Variants in TBK1 observed in about 807,000 individuals in gnomAD.
TBK1 encodes serine/threonine-protein kinase TBK1.
A neutral mutation model predicts 99.9 loss-of-function variants in TBK1; 37 were observed. The ratio of observed to expected loss-of-function variants is 0.37; its 90% CI spans 0.28 to 0.49. TBK1 has a LOEUF of 0.49. Ranked by LOEUF, TBK1 falls within the 20% of genes least tolerant of loss-of-function variation. The pLI is 0.98. For missense variants in TBK1, 644 were observed against 872.5 expected (o/e 0.74, Z 3.30); for synonymous variants, 258 against 279.8 (o/e 0.92, Z 0.78).
At chr12:64,499,064 G>A (rs536508616) in intron 20 of TBK1, among the ~76,000 whole-genome samples, 1 of 41,016 alleles carries the variant, frequency 2.4e-5, no homozygotes, top group Non-Finnish European at 4.6e-5. Flanking sequence ...TTTTTCCCCC[G>A]AGACGGAGTT....
At chr12:64,469,655 A>G (rs1011869747) in intron 5 of TBK1, among the ~76,000 whole-genome samples, 1 of 152,184 alleles carries the variant, frequency 6.6e-6, no homozygotes, top group African/African-American at 2.4e-5. Context: ...CCTCCAATAA[A>G]TAGCTCAAGG....
intron 13 of TBK1, among the ~76,000 whole-genome samples, chr12:64,492,587 T>C (rs556547346): frequency 7.2e-4 from 110 of 152,362 alleles, no homozygotes; most frequent in Admixed American, 1.6e-3. Flanking sequence ...ATTACAGGCA[T>C]GAGCCACCTT....
At chr12:64,460,375 A>G (rs772283196) in intron 3 of TBK1, 46 bp downstream of exon 3, 2 of 1,407,640 alleles carry the variant, frequency 1.4e-6, no homozygotes, top group Non-Finnish European at 9.5e-7. Flanking sequence ...GTTACGAGTC[A>G]AGAAATAGAA....
intron 4 of TBK1, among the ~76,000 whole-genome samples, chr12:64,464,851 A>G (rs898794776): frequency 3.3e-5 from 5 of 152,204 alleles, no homozygotes; most frequent in Admixed American, 1.3e-4. Context: ...AAAGCTCAAC[A>G]TTAATTAATT....
chr12:64,454,777 C>T lies in TBK1; in HGVS notation c.-31-1063C>T, dbSNP rs538394599. Among the ~76,000 whole-genome samples, 300 of 148,792 alleles carry T rather than the reference C, an allele frequency of 2.0e-3. 2 individuals are homozygous for T. The highest frequency in any genetic ancestry group is 7.5e-4 in the Non-Finnish European group (50 of 67,086). On this transcript the variant is annotated intron_variant, in intron 1 of 20. Transcript: ENST00000331710. Reference sequence around the variant, plus strand: ...CTGCAAGCTCCGCCTCCCGGGTTCCCGCCATTCTCCTGCGTCAGCCTCCCG... The same window carrying T: ...CTGCAAGCTCCGCCTCCCGGGTTCCTGCCATTCTCCTGCGTCAGCCTCCCG...
intron 5 of TBK1, among the ~76,000 whole-genome samples, chr12:64,472,318 A>C (rs1201462957): frequency 2.7e-5 from 4 of 147,618 alleles, no homozygotes; most frequent in East Asian, 4.1e-4. Flanking sequence ...AGAGTCACAG[A>C]TTGCATCATT....
intron 2 of TBK1, among the ~76,000 whole-genome samples, chr12:64,456,250 G>T (rs2040486414): frequency 6.6e-6 from 1 of 152,140 alleles, no homozygotes; most frequent in South Asian, 2.1e-4. Flanking sequence ...CTCCCTAATG[G>T]TAGAGTGATT....
chr12:64,485,571 G>A (rs1044902418), intron 10 of TBK1, 58 bp downstream of exon 10: 10 of 868,626 alleles, frequency 1.2e-5, no homozygotes, highest in Non-Finnish European at 1.8e-5. Context: ...CCTATCAATA[G>A]TGGAAGCAAT....
chr12:64,459,080 T>C (rs2040520438), intron 2 of TBK1, among the ~76,000 whole-genome samples: 1 of 152,104 alleles, frequency 6.6e-6, no homozygotes, highest in South Asian at 2.1e-4. Flanking sequence ...GTGGTGAATC[T>C]GAGGAAAGTA....
chr12:64,481,571 A>G (rs1006882789), intron 7 of TBK1, among the ~76,000 whole-genome samples: 1 of 152,144 alleles, frequency 6.6e-6, no homozygotes, highest in African/African-American at 2.4e-5. Context: ...TGCATAAAGC[A>G]TCTGTGAATA....
chr12:64,497,592 T>C, intron 18 of TBK1, 56 bp from the exon 19 acceptor site: 1 of 1,219,558 alleles, frequency 8.2e-7, no homozygotes, highest in South Asian at 1.4e-5. Flanking sequence ...GTAAGTACTT[T>C]TGTTCTGTGA....
At chr12:64,467,146 T>G (rs1344069429) in intron 5 of TBK1, 64 bp downstream of exon 5, 19 of 1,293,412 alleles carry the variant, frequency 1.5e-5, no homozygotes, top group Non-Finnish European at 2.0e-5. Context: ...TATAATTGGG[T>G]AATTGGTCAG....
chr12:64,471,243 C>T (rs965257709), intron 5 of TBK1, among the ~76,000 whole-genome samples: 3 of 152,042 alleles, frequency 2.0e-5, no homozygotes, highest in African/African-American at 7.2e-5. Context: ...AATCTCAGCT[C>T]ACTCAAGCTC....
intron 8 of TBK1, among the ~76,000 whole-genome samples, chr12:64,482,767 C>G (rs2040780327): frequency 6.6e-6 from 1 of 152,186 alleles, no homozygotes; most frequent in African/African-American, 2.4e-5. Flanking sequence ...GCTAGCTACC[C>G]TATATAGCCT....
chr12:64,484,391 T>G lies in TBK1; in HGVS notation c.1081T>G (p.Leu361Val), dbSNP rs2040798028. Reference sequence around the variant, plus strand: ...TATCTACGAAGGGCGACGCTTAGTCTTAGAACCTGGAAGGCTGGCACAACA... The same window carrying G: ...TATCTACGAAGGGCGACGCTTAGTCGTAGAACCTGGAAGGCTGGCACAACA... ...ELIYEGRRLV[L>V]EPGRLAQHFP... The change falls in exon 9 of 21, where the codon TTA becomes GTA. Residue 361 changes from leucine to valine, a missense_variant. Transcript: ENST00000331710. 1.2e-6 allele frequency: 2 copies of G among 1,614,126 alleles called. No individual in the cohort carries two copies. The highest frequency in any genetic ancestry group is 4.5e-5 in the East Asian group (2 of 44,870).
intron 6 of TBK1, among the ~76,000 whole-genome samples, chr12:64,477,582 A>T (rs996616482): frequency 6.6e-6 from 1 of 152,194 alleles, no homozygotes; most frequent in Non-Finnish European, 1.5e-5. Flanking sequence ...TAGGTTTAGA[A>T]TCATACTGTC....
chr12:64,501,475 T>A lies in TBK1; in HGVS notation c.*94T>A, dbSNP rs1419757129. The A allele has an allele frequency of 5.7e-6, 7 of 1,226,130 alleles. No individual in the cohort carries two copies. Among genetic ancestry groups the A allele is most frequent in the African/African-American group, 1.5e-5 (1 of 65,968 alleles). The allele number at this position is 1,226,130 out of a possible 1,614,324, so 76.0% of individuals were successfully genotyped here. ...GCCTTTATAGATAGTCACTTGTTTC[T>A]ACAATTCAGTATTTGATGTGGTCGT... On this transcript the variant is annotated 3_prime_UTR_variant, in exon 21 of 21. Coordinates refer to ENST00000331710, the MANE Select transcript of TBK1 (RefSeq NM_013254.4).
chr12:64,472,786 T>A lies in TBK1; in HGVS notation c.541-1444T>A, dbSNP rs2040675081. ...AATAATGATAGCTGATGAGCTATTT[T>A]AAAAAAATCACAAAAAACCTCAATG... On this transcript the variant is annotated intron_variant, in intron 5 of 20. Transcript: ENST00000331710. 2.6e-5 allele frequency among the ~76,000 whole-genome samples: 4 copies of A among 152,268 alleles called. No individual in the cohort carries two copies. The South Asian group carries it at 8.3e-4, about 32-fold the overall frequency.
At position 64,501,716 on chromosome 12, in the gene TBK1, A is replaced by AT. The variant is rs937832381; in HGVS notation, c.*340dup. 4.9e-6 allele frequency: 1 copy of AT among 203,022 alleles called. No homozygotes were observed. Among genetic ancestry groups the AT allele is most frequent in the Middle Eastern group, 2.0e-3 (1 of 488 alleles). The allele number at this position is 203,022 out of a possible 1,614,324, so 12.6% of individuals were successfully genotyped here. A position where few individuals can be genotyped will look rare whatever the true frequency, so the allele number is the denominator to read the frequency against. ...TTTTCTCTGACCGCCTACTGGAAAT[A>AT]TTTTTAAGTGGAACCAAAATAGGCA... is the stretch of plus-strand genomic sequence containing the variant. On this transcript the variant is annotated 3_prime_UTR_variant, in exon 21 of 21. Coordinates refer to ENST00000331710, the MANE Select transcript of TBK1 (RefSeq NM_013254.4).
Sources: gnomAD v4.1 joint callset for allele counts (sites outside exome capture counted in the v4.1 genomes callset) on GRCh38, gnomAD v4.1.1 for gene constraint, MANE v1.5 for transcripts, NCBI Gene and HGNC (gene_info 2026-07-23, HGNC 2026-07-21) for gene names.